Variants in FREM2 observed in about 807,000 individuals in gnomAD.
The protein encoded by FREM2 is FRAS1 related extracellular matrix 2, also known as FRAS1-related extracellular matrix protein 2.
Under a neutral mutation model 219.9 loss-of-function variants are expected in FREM2, and 119 were observed. The observed-to-expected ratio is 0.54, with a 90% CI of 0.47 to 0.63. The LOEUF (loss-of-function observed/expected upper bound fraction) is 0.63. Among genes scored for constraint, FREM2 ranks in the 30% least tolerant of loss-of-function variants. The probability of loss-of-function intolerance (pLI) is 0.00; values close to 1 mark genes in which losing one functional copy is unlikely to be tolerated. For synonymous variants in FREM2, 1,562 were observed against 1,522.8 expected (o/e 1.03, Z -0.60); for missense variants, 4,030 against 3,993.6 (o/e 1.01, Z -0.25).
intron 16 of FREM2, among the ~76,000 whole-genome samples, chr13:38,865,091 CT>C (rs1321673369): frequency 4.6e-5 from 7 of 152,144 alleles, no homozygotes; most frequent in African/African-American, 1.4e-4. Flanking sequence ...TTTTAGCCTC[CT>C]GTTTTACTCT....
intron 6 of FREM2, among the ~76,000 whole-genome samples, chr13:38,811,023 A>G (rs1353188770): frequency 1.3e-5 from 2 of 152,026 alleles, no homozygotes; most frequent in East Asian, 3.8e-4. Flanking sequence ...TACACAGTTC[A>G]ATCTTGGTAA....
chr13:38,743,096 G>A (rs1395169425), intron 2 of FREM2, among the ~76,000 whole-genome samples: 1 of 152,110 alleles, frequency 6.6e-6, no homozygotes, highest in African/African-American at 2.4e-5. Context: ...CTAAATCCAT[G>A]CTCCAGCTCA....
chr13:38,791,804 T>C (rs1204988207), intron 6 of FREM2, among the ~76,000 whole-genome samples: 1 of 152,178 alleles, frequency 6.6e-6, no homozygotes, highest in African/African-American at 2.4e-5. Flanking sequence ...AAAAGCAACA[T>C]ATTTATTTCA....
intron 16 of FREM2, among the ~76,000 whole-genome samples, chr13:38,869,951 T>G (rs1181807992): frequency 1.3e-5 from 2 of 152,212 alleles, no homozygotes; most frequent in Non-Finnish European, 2.9e-5. Flanking sequence ...TGTTTACAGG[T>G]AAACAGCGAC....
intron 6 of FREM2, among the ~76,000 whole-genome samples, chr13:38,807,123 A>G (rs1875260495): frequency 7.4e-6 from 1 of 135,454 alleles, no homozygotes; most frequent in Non-Finnish European, 1.6e-5. Context: ...TGAGGGTTTG[A>G]ATAAATTTTT....
chr13:38,797,375 A>G (rs1001686536), intron 6 of FREM2, among the ~76,000 whole-genome samples: 4 of 152,042 alleles, frequency 2.6e-5, no homozygotes, highest in East Asian at 1.9e-4. Context: ...ATTTTTTCAT[A>G]TATCTGTTGG....
chr13:38,831,761 C>T (rs942360747), intron 6 of FREM2, among the ~76,000 whole-genome samples: 1 of 146,380 alleles, frequency 6.8e-6, no homozygotes, highest in Non-Finnish European at 1.5e-5. Context: ...AGGTGTGCAC[C>T]TCATGCCAGA....
At chr13:38,863,752 G>A (rs1259645223) in intron 15 of FREM2, among the ~76,000 whole-genome samples, 1 of 152,196 alleles carries the variant, frequency 6.6e-6, no homozygotes, top group East Asian at 1.9e-4. Context: ...TGTGAAAATA[G>A]CGATTAAGTC....
intron 2 of FREM2, among the ~76,000 whole-genome samples, chr13:38,755,315 A>G (rs1872952987): frequency 6.6e-6 from 1 of 151,878 alleles, no homozygotes; most frequent in Admixed American, 6.6e-5. Context: ...GCTATGCCCA[A>G]CTCCCCCATA....
chr13:38,738,165 A>G (rs1053682882), intron 2 of FREM2, among the ~76,000 whole-genome samples: 1 of 152,202 alleles, frequency 6.6e-6, no homozygotes, highest in Non-Finnish European at 1.5e-5. Context: ...AATATGGAAC[A>G]CAAAAGGAGA....
Position 38,880,628 on chromosome 13 carries a change from C to A in FREM2, c.9351C>A (p.Gly3117=). The A allele has an allele frequency of 6.2e-7, 1 of 1,613,810 alleles. No homozygotes were observed. The highest frequency in any genetic ancestry group is 1.1e-5 in the South Asian group (1 of 91,066). Residue 3117 remains glycine (G), a synonymous_variant, in exon 24 of 24, where the codon GGC becomes GGA. Transcript: ENST00000280481. ...TCAGCCTGGTCACTGTGGTGGGAGG[C>A]ACCACGGTAGGGTTACTCACCATCT... The part of the protein sequence containing the change: ...SAVSLVTVVG[G]TTVGLLTICL...
intron 2 of FREM2, among the ~76,000 whole-genome samples, chr13:38,748,031 G>C (rs1043348035): frequency 3.3e-5 from 5 of 152,096 alleles, no homozygotes; most frequent in Admixed American, 1.3e-4. Flanking sequence ...ATAGCTCGTT[G>C]TACATTGTTG....
intron 2 of FREM2, among the ~76,000 whole-genome samples, chr13:38,737,044 TACTG>T (rs1872026767): frequency 6.6e-6 from 1 of 152,152 alleles, no homozygotes; most frequent in Non-Finnish European, 1.5e-5. Flanking sequence ...TGGGAACCAT[TACTG>T]ACTAATATGA....
At chr13:38,835,161 T>A (rs1876659940) in intron 6 of FREM2, among the ~76,000 whole-genome samples, 1 of 152,088 alleles carries the variant, frequency 6.6e-6, no homozygotes, top group Non-Finnish European at 1.5e-5. Flanking sequence ...CAGTTTACTG[T>A]GTATGGCTAG....
chr13:38,782,833 G>C (rs138290261), intron 4 of FREM2, among the ~76,000 whole-genome samples: 61 of 152,318 alleles, frequency 4.0e-4, no homozygotes, highest in African/African-American at 1.4e-3. Flanking sequence ...GCAATTACTA[G>C]AGATATAAGC....
At chr13:38,701,999 G>A (rs914999618) in intron 2 of FREM2, among the ~76,000 whole-genome samples, 1 of 152,028 alleles carries the variant, frequency 6.6e-6, no homozygotes, top group Non-Finnish European at 1.5e-5. Context: ...ATAAACAGGA[G>A]AAAAACAATT....
rs187653540 is a variant in FREM2, at chr13:38,716,025, A to G, written c.5263+18238A>G. 1.1e-3 allele frequency among the ~76,000 whole-genome samples: 174 copies of G among 152,290 alleles called. 2 individuals carry two copies. In the East Asian group the frequency reaches 0.016, roughly 14 times the overall value. On this transcript the variant is annotated intron_variant, in intron 2 of 23. Coordinates refer to ENST00000280481, the MANE Select transcript of FREM2 (RefSeq NM_207361.6). ...TAAATGAAGAGTTGATTTACGCCAG[A>G]GTATAAGCAAGAAGGCAAATGATTT...
intron 2 of FREM2, among the ~76,000 whole-genome samples, chr13:38,746,411 A>T (rs1022134492): frequency 1.3e-5 from 2 of 152,192 alleles, no homozygotes; most frequent in African/African-American, 4.8e-5. Flanking sequence ...ACACATAAAA[A>T]TGGCCACATT....
chr13:38,776,681 G>A (rs899266507), intron 4 of FREM2, among the ~76,000 whole-genome samples: 3 of 151,674 alleles, frequency 2.0e-5, no homozygotes, highest in Admixed American at 1.3e-4. Flanking sequence ...TGTCAAAAAC[G>A]AATACAAGAT....
Sources: gnomAD v4.1 joint callset for allele counts (sites outside exome capture counted in the v4.1 genomes callset) on GRCh38, gnomAD v4.1.1 for gene constraint, MANE v1.5 for transcripts, NCBI Gene and HGNC (gene_info 2026-07-23, HGNC 2026-07-21) for gene names.